Variants in KLRG2 observed in about 807,000 individuals in gnomAD.
The protein encoded by KLRG2 is killer cell lectin like receptor G2, also known as killer cell lectin-like receptor subfamily G member 2.
In KLRG2, 39 loss-of-function variants were observed where a neutral mutation model predicts 35.4. The observed-to-expected ratio is 1.10, with a 90% confidence interval of 0.85 to 1.44. The LOEUF is 1.44. Ranked by LOEUF, KLRG2 falls within the 40% of genes most tolerant of loss-of-function variation. KLRG2 has a pLI of 0.00. For missense variants in KLRG2, 632 were observed against 570.9 expected (o/e 1.11, Z -1.09); for synonymous variants, 283 against 265.8 (o/e 1.06, Z -0.63).
chr7:139,465,564 T>C (rs1319061064), intron 3 of KLRG2, among the ~76,000 whole-genome samples: 4 of 151,792 alleles, frequency 2.6e-5, no homozygotes, highest in South Asian at 2.1e-4. Context: ...TGGTGGCGGG[T>C]GCCTGTAGTC....
intron 3 of KLRG2, among the ~76,000 whole-genome samples, chr7:139,465,320 A>C (rs1341684939): frequency 1.3e-5 from 2 of 152,176 alleles, no homozygotes; most frequent in African/African-American, 4.8e-5. Context: ...GCAGAAAGAA[A>C]TTTCCTCACT....
intron 3 of KLRG2, among the ~76,000 whole-genome samples, chr7:139,461,998 CCT>C (rs1796577081): frequency 6.6e-6 from 1 of 152,170 alleles, no homozygotes; most frequent in Non-Finnish European, 1.5e-5. Flanking sequence ...GGATAAGCGG[CCT>C]CTTTTTACGC....
intron 3 of KLRG2, among the ~76,000 whole-genome samples, chr7:139,478,946 T>C (rs1419623764): frequency 6.6e-6 from 1 of 152,018 alleles, no homozygotes; most frequent in African/African-American, 2.4e-5. Context: ...AGTGCTTGGC[T>C]GTGCGCAGTG....
intron 3 of KLRG2, among the ~76,000 whole-genome samples, chr7:139,464,706 C>T (rs1343861712): frequency 3.9e-5 from 6 of 152,224 alleles, no homozygotes; most frequent in African/African-American, 1.4e-4. Flanking sequence ...GCCAGGACCG[C>T]GCCCTGTAGT....
chr7:139,481,026 G>C (rs1015515943), intron 1 of KLRG2, among the ~76,000 whole-genome samples: 2 of 152,218 alleles, frequency 1.3e-5, no homozygotes, highest in African/African-American at 4.8e-5. Flanking sequence ...TTACAGGCGT[G>C]AGCCACCGTG....
At chr7:139,482,715 A>C (rs1232371277) in intron 1 of KLRG2, among the ~76,000 whole-genome samples, 171 bp downstream of exon 1, 1 of 152,122 alleles carries the variant, frequency 6.6e-6, no homozygotes, top group Non-Finnish European at 1.5e-5. Context: ...CGTAGACAGG[A>C]ATGTTATTGA....
At chr7:139,472,248 T>C (rs57804132) in intron 3 of KLRG2, among the ~76,000 whole-genome samples, 2,659 of 151,954 alleles carry the variant, frequency 0.017, 83 homozygotes, top group African/African-American at 0.061. Flanking sequence ...AAAAAAATCA[T>C]GACTAAGCAG....
In KLRG2 at chr7:139,483,025, C is replaced by G. The variant is rs2116492043; in HGVS notation, c.618G>C (p.Ala206=). 1.5e-6 allele frequency: 2 copies of G among 1,369,624 alleles called. No individual in the cohort carries two copies. The highest frequency in any genetic ancestry group is 9.3e-7 in the Non-Finnish European group (1 of 1,069,752). 84.8% of individuals were successfully genotyped at this position (1,369,624 alleles called of 1,614,324 possible). Residue 206 remains alanine, a synonymous_variant, in exon 1 of 5, where the codon GCG becomes GCC. Coordinates refer to ENST00000340940, the MANE Select transcript of KLRG2 (RefSeq NM_198508.4). ...GCDAEGRASP[A]EGSAGSPGSP... is the part of the protein sequence containing the mutation. ...AGCCCGGGGAGCCGGCGCTTCCTTC[C>G]GCGGGGCTGGCCCGGCCCTCTGCGT...
At chr7:139,477,584 G>T (rs764032707) in intron 3 of KLRG2, among the ~76,000 whole-genome samples, 2 of 152,100 alleles carry the variant, frequency 1.3e-5, no homozygotes, top group African/African-American at 4.8e-5. Flanking sequence ...GATTGGGGGC[G>T]GGGGAAATGG....
At chr7:139,427,961 G>A in the KLRG2 span, among the ~76,000 whole-genome samples, 1 of 152,188 alleles carries the variant, frequency 6.6e-6, no homozygotes, top group South Asian at 2.1e-4. Context: ...CATGCTGAGT[G>A]ACTAATAGGA....
chr7:139,429,043 G>A, the KLRG2 span, among the ~76,000 whole-genome samples: 13 of 152,324 alleles, frequency 8.5e-5, no homozygotes, highest in African/African-American at 2.9e-4. Context: ...TAGGCCAGGC[G>A]TGGTGGCTTA....
At position 139,483,300 on chromosome 7, in the gene KLRG2, C is replaced by G. The variant is rs1442914976; in HGVS notation, c.343G>C (p.Ala115Pro). Residue 115 changes from alanine to proline, a missense_variant, in exon 1 of 5, where the codon GCG (alanine) becomes CCG (proline). By Grantham distance (27) the Ala-to-Pro change is conservative. Transcript: ENST00000340940. ...RNGEAPGAEP[A>P]PSAWAPMELQ... is the part of the protein sequence containing the mutation. ...TCCATGGGCGCCCAGGCGCTGGGCGCAGGCTCAGCCCCGGGCGCCTCGCCA... is the reference window on the plus strand; with the variant it reads ...TCCATGGGCGCCCAGGCGCTGGGCGGAGGCTCAGCCCCGGGCGCCTCGCCA... 2 of 1,556,142 alleles carry G rather than the reference C, an allele frequency of 1.3e-6. No homozygotes were observed. The highest frequency in any genetic ancestry group is 2.5e-5 in the East Asian group (1 of 40,222).
Position 139,482,878 on chromosome 7 carries a change from G to A in KLRG2, c.757+8C>T. The A allele has an allele frequency of 6.9e-7, 1 of 1,446,018 alleles. No homozygotes were observed. Among genetic ancestry groups the A allele is most frequent in the Non-Finnish European group, 9.0e-7 (1 of 1,109,956 alleles). 89.6% of individuals were successfully genotyped at this position (1,446,018 alleles called of 1,614,324 possible). On this transcript the variant is annotated splice_region_variant and intron_variant, in intron 1 of 4. Transcript: ENST00000340940. ...CGGCGTCGGCTGCCGGCGCAGGTGA[G>A]CACTCACCCGTAAGCGTTACGGCCC...
chr7:139,428,274 C>G, the KLRG2 span, among the ~76,000 whole-genome samples: 1 of 152,088 alleles, frequency 6.6e-6, no homozygotes, highest in Non-Finnish European at 1.5e-5. Flanking sequence ...CAGACAGGGT[C>G]TCACCATGTT....
chr7:139,450,190 C>T (rs990733948), downstream of KLRG2, among the ~76,000 whole-genome samples: 1 of 151,740 alleles, frequency 6.6e-6, no homozygotes, highest in African/African-American at 2.4e-5. Context: ...TTATAGGCAC[C>T]CACCACCACG....
chr7:139,449,614 T>C (rs977384920), downstream of KLRG2, among the ~76,000 whole-genome samples: 1 of 152,036 alleles, frequency 6.6e-6, no homozygotes, highest in Non-Finnish European at 1.5e-5. Flanking sequence ...ACTTTTTGAC[T>C]TTTTTGTAAT....
chr7:139,430,402 CA>C, the KLRG2 span, among the ~76,000 whole-genome samples: 57,223 of 144,382 alleles, frequency 0.4, 15,133 homozygotes, highest in African/African-American at 0.76. Context: ...AACTCCATCT[CA>C]AAAAAAAAAA....
the KLRG2 span, among the ~76,000 whole-genome samples, chr7:139,438,864 G>T: frequency 4.6e-5 from 7 of 151,442 alleles, no homozygotes; most frequent in Admixed American, 6.6e-5. Context: ...TAGTAGAGAC[G>T]GTATTTCTCC....
rs193121180 is a variant in KLRG2, at chr7:139,473,890, A to G, written c.1005+5737T>C. ...GGCAGCAAAAATGTAAATGAAGAAGAAAAAGGCCCACAGGGCATATTATTA... is the reference window on the plus strand; with the variant it reads ...GGCAGCAAAAATGTAAATGAAGAAGGAAAAGGCCCACAGGGCATATTATTA... On this transcript the variant is annotated intron_variant, in intron 3 of 4. Transcript: ENST00000340940. 3.0e-4 allele frequency among the ~76,000 whole-genome samples: 46 copies of G among 152,352 alleles called. 2 individuals carry two copies. Among genetic ancestry groups the G allele is most frequent in the Admixed American group, 2.8e-3 (43 of 15,300 alleles).
Sources: gnomAD v4.1 joint callset for allele counts (sites outside exome capture counted in the v4.1 genomes callset) on GRCh38, gnomAD v4.1.1 for gene constraint, MANE v1.5 for transcripts, NCBI Gene and HGNC (gene_info 2026-07-23, HGNC 2026-07-21) for gene names.